Variants in RELN observed in about 807,000 individuals in gnomAD.
The protein encoded by RELN is reelin.
A neutral mutation model predicts 427.6 loss-of-function variants in RELN; 108 were observed. The observed-to-expected ratio is 0.25, with a 90% CI of 0.22 to 0.30. RELN has a LOEUF of 0.30. RELN is among the 10% of genes least tolerant of loss of function. The pLI, the probability that RELN is intolerant of heterozygous loss-of-function variation, is 1.00. For missense variants in RELN, 3,715 were observed against 4,302.8 expected, an observed-to-expected ratio of 0.86 and a Z score of 3.82; for synonymous variants, 1,524 against 1,513.4, an observed-to-expected ratio of 1.01 and a Z score of -0.16.
intron 28 of RELN, 86 bp from the exon 29 acceptor site, chr7:103,575,791 C>T: frequency 1.4e-6 from 2 of 1,425,408 alleles, no homozygotes; most frequent in Non-Finnish European, 9.9e-7. Context: ...AAAAACTCAA[C>T]AGAGACTTAA....
At chr7:103,982,078 A>C (rs1797001781) in intron 1 of RELN, among the ~76,000 whole-genome samples, 1 of 152,134 alleles carries the variant, frequency 6.6e-6, no homozygotes, top group Non-Finnish European at 1.5e-5. Flanking sequence ...CGGCACGAGA[A>C]TCGCCTGAAC....
At chr7:103,688,803 G>T (rs1450860202) in intron 10 of RELN, among the ~76,000 whole-genome samples, 1 of 152,076 alleles carries the variant, frequency 6.6e-6, no homozygotes, top group Admixed American at 6.6e-5. Context: ...AAGAGCAACA[G>T]AAAATTAATA....
intron 16 of RELN, among the ~76,000 whole-genome samples, chr7:103,646,093 G>C (rs1832791016): frequency 6.6e-6 from 1 of 151,610 alleles, no homozygotes; most frequent in South Asian, 2.1e-4. Context: ...AGTGAAAATA[G>C]AGACATAACA....
chr7:103,916,520 G>C (rs150671824), intron 2 of RELN, among the ~76,000 whole-genome samples: 5 of 152,264 alleles, frequency 3.3e-5, no homozygotes, highest in East Asian at 1.9e-4. Context: ...TGGACATCAC[G>C]TGGTCTTCTG....
At position 103,557,188 on chromosome 7, in the gene RELN, C is replaced by T. The variant is rs1046804454; in HGVS notation, c.5615-29G>A. ...GGAAGAAGATAACACAGGTATAAAA[C>T]ATACTGTGATAAAAATGGGGAAATG... On this transcript the variant is annotated intron_variant, in intron 37 of 64. Transcript: ENST00000428762. The T allele has an allele frequency of 4.5e-6, 7 of 1,552,256 alleles. No homozygotes were observed. In the South Asian group the frequency reaches 7.8e-5, roughly 17 times the overall value.
chr7:103,556,580 T>A (rs752061874), intron 38 of RELN, among the ~76,000 whole-genome samples: 9 of 152,120 alleles, frequency 5.9e-5, no homozygotes, highest in Non-Finnish European at 1.0e-4. Context: ...ATAATTTGAA[T>A]CATGAGAGCA....
chr7:103,987,951 T>G (rs1031307370), intron 1 of RELN, among the ~76,000 whole-genome samples: 2 of 152,210 alleles, frequency 1.3e-5, no homozygotes, highest in African/African-American at 4.8e-5. Context: ...TATCAAGGTT[T>G]TTTTAAAAAC....
At chr7:103,514,064 G>A (rs1212770264) in intron 50 of RELN, 1 of 151,718 alleles carries the variant, frequency 6.6e-6, no homozygotes, top group Admixed American at 6.6e-5. Flanking sequence ...ATTCTTATCA[G>A]TCTTATTATT....
chr7:103,936,743 G>GACAC (rs57505374), intron 1 of RELN, among the ~76,000 whole-genome samples: 100 of 139,768 alleles, frequency 7.2e-4, no homozygotes, highest in Admixed American at 2.2e-3. Context: ...CAGACAGACA[G>GACAC]ACACACACAC....
At chr7:103,646,442 A>G (rs988726995) in intron 16 of RELN, among the ~76,000 whole-genome samples, 2 of 151,976 alleles carry the variant, frequency 1.3e-5, no homozygotes, top group African/African-American at 2.4e-5. Context: ...AGGAGACATT[A>G]CAACTGCTAC....
intron 4 of RELN, among the ~76,000 whole-genome samples, chr7:103,770,532 C>T (rs916625018): frequency 2.7e-4 from 41 of 152,180 alleles, no homozygotes; most frequent in Non-Finnish European, 4.0e-4. Context: ...TGTGTTCTAG[C>T]GGTGTTTGGC....
At chr7:103,637,863 T>A (rs542486345) in intron 17 of RELN, among the ~76,000 whole-genome samples, 4 of 152,294 alleles carry the variant, frequency 2.6e-5, no homozygotes, top group African/African-American at 9.6e-5. Flanking sequence ...GACTATCTAT[T>A]CCAGAGTGCA....
At chr7:103,783,598 C>T (rs1791947421) in intron 3 of RELN, among the ~76,000 whole-genome samples, 1 of 152,082 alleles carries the variant, frequency 6.6e-6, no homozygotes, top group African/African-American at 2.4e-5. Context: ...TATTAATGTT[C>T]ATTATCCAGT....
chr7:103,981,864 AAG>A (rs1796997510), intron 1 of RELN, among the ~76,000 whole-genome samples: 1 of 152,196 alleles, frequency 6.6e-6, no homozygotes, highest in African/African-American at 2.4e-5. Flanking sequence ...CAGTTTTATC[AAG>A]AGTCTTCCCA....
chr7:103,833,702 A>G (rs775456256), intron 2 of RELN, 30 bp from the exon 3 acceptor site: 389 of 1,602,430 alleles, frequency 2.4e-4, no homozygotes, highest in Non-Finnish European at 3.2e-4. Context: ...GTTGTTACAA[A>G]GACAACAAAA....
At chr7:103,872,134 A>G (rs1794359190) in intron 2 of RELN, among the ~76,000 whole-genome samples, 1 of 140,600 alleles carries the variant, frequency 7.1e-6, no homozygotes, top group Non-Finnish European at 1.5e-5. Context: ...ACATATGTAT[A>G]CATGTGCCAT....
At chr7:103,491,844 T>TCACACACA in intron 58 of RELN, 109 bp downstream of exon 58, 1 of 628,148 alleles carries the variant, frequency 1.6e-6, no homozygotes, top group Non-Finnish European at 2.7e-6. Flanking sequence ...TCTCTCTCTC[T>TCACACACA]CTCTCTCTCT....
chr7:103,941,617 T>G (rs1165753379), intron 1 of RELN, among the ~76,000 whole-genome samples: 1 of 152,226 alleles, frequency 6.6e-6, no homozygotes, highest in Non-Finnish European at 1.5e-5. Flanking sequence ...AAAAAAATTT[T>G]AAATGTTCTA....
chr7:103,585,599 C>A (rs376797156), intron 28 of RELN, among the ~76,000 whole-genome samples: 1 of 152,204 alleles, frequency 6.6e-6, no homozygotes, highest in East Asian at 1.9e-4. Context: ...AACCCCAGTA[C>A]AAGATGGATT....
Sources: allele counts gnomAD v4.1 joint callset (sites outside exome capture counted in the v4.1 genomes callset), GRCh38; gene constraint gnomAD v4.1.1; transcripts MANE v1.5; gene names NCBI Gene and HGNC (gene_info 2026-07-23, HGNC 2026-07-21).